The following SWT1 variants were observed in gnomAD, a reference collection of about 807,000 sequenced individuals.
SWT1 encodes the protein transcriptional protein SWT1.
A neutral mutation model predicts 107.3 loss-of-function variants in SWT1; 33 were observed. The ratio of observed to expected loss-of-function variants is 0.31; its 90% confidence interval spans 0.23 to 0.41. The LOEUF (loss-of-function observed/expected upper bound fraction) is 0.41. Among genes scored for constraint, SWT1 ranks in the 10% least tolerant of loss-of-function variants. SWT1 has a pLI of 1.00. For missense variants in SWT1, 898 were observed against 1,028.9 expected (o/e 0.87, Z 1.74); for synonymous variants, 345 against 348.3 (o/e 0.99, Z 0.11).
At chr1:185,221,817 A>G in intron 14 of SWT1, 32 bp from the exon 15 acceptor site, 3 of 1,443,864 alleles carry the variant, frequency 2.1e-6, no homozygotes, top group Non-Finnish European at 2.8e-6. Flanking sequence ...ATGAAGAACT[A>G]GCTGCATTTT....
chr1:185,233,935 C>T lies in SWT1; in HGVS notation c.2441+2227C>T, dbSNP rs560721677. 7.9e-5 allele frequency among the ~76,000 whole-genome samples: 12 copies of T among 151,960 alleles called. No individual in the cohort carries two copies. In the South Asian group the frequency reaches 2.5e-3, roughly 32 times the overall value. ...ATTTTTTTGTATTTTTAGTAGAGAC[C>T]GGGTTTCACCATGTTAGCAAGGATG... On this transcript the variant is annotated intron_variant, in intron 16 of 18. Coordinates refer to ENST00000367500, the MANE Select transcript of SWT1 (RefSeq NM_017673.7).
chr1:185,217,838 C>T (rs570826212), intron 14 of SWT1, among the ~76,000 whole-genome samples: 6 of 152,300 alleles, frequency 3.9e-5, no homozygotes, highest in African/African-American at 1.4e-4. Flanking sequence ...TCAGGTGATC[C>T]ACCCACCTTG....
At chr1:185,251,691 T>A (rs1296508634) in intron 16 of SWT1, among the ~76,000 whole-genome samples, 1 of 151,918 alleles carries the variant, frequency 6.6e-6, no homozygotes, top group African/African-American at 2.4e-5. Context: ...TTTTCTTTGC[T>A]TTTTCATCAA....
chr1:185,186,797 C>G (rs1383703083), intron 9 of SWT1, among the ~76,000 whole-genome samples: 1 of 151,650 alleles, frequency 6.6e-6, no homozygotes, highest in South Asian at 2.1e-4. Context: ...TCCCGTCACG[C>G]AGGCTGGAGT....
rs930145765 is a variant in SWT1, at chr1:185,220,040, G to T, written c.2122-1809G>T. ...TGCACCGCTGGTCCCAGCTACTGGGGAGGGTTGAGGATCACCTGAGTCCTA... is the reference window on the plus strand; with the variant it reads ...TGCACCGCTGGTCCCAGCTACTGGGTAGGGTTGAGGATCACCTGAGTCCTA... On this transcript the variant is annotated intron_variant, in intron 14 of 18. Transcript: ENST00000367500. 6.6e-5 allele frequency among the ~76,000 whole-genome samples: 10 copies of T among 151,222 alleles called. 1 individual carries two copies. Among genetic ancestry groups the T allele is most frequent in the African/African-American group, 1.9e-4 (8 of 41,138 alleles).
intron 10 of SWT1, among the ~76,000 whole-genome samples, chr1:185,199,750 T>C (rs1040269059): frequency 1.3e-5 from 2 of 152,154 alleles, no homozygotes; most frequent in East Asian, 1.9e-4. Flanking sequence ...AGGAGTATCT[T>C]TGTGGTGTTC....
Position 185,182,016 on chromosome 1 carries a change from G to A in SWT1, c.1097G>A (p.Ser366Asn), listed in dbSNP as rs746471398. 8.7e-5 allele frequency: 140 copies of A among 1,613,510 alleles called. No individual in the cohort carries two copies. Among genetic ancestry groups the A allele is most frequent in the Middle Eastern group, 8.3e-4 (5 of 6,058 alleles). Residue 366 changes from serine to asparagine, a missense_variant, in exon 7 of 19, where the codon AGT becomes AAT. Coordinates refer to ENST00000367500, the MANE Select transcript of SWT1 (RefSeq NM_017673.7). ...KSVDLPGELMSMEIDLEDDVH... is the reference protein window; with the variant it reads ...KSVDLPGELMNMEIDLEDDVH... ...GTGGATTTACCTGGAGAGTTAATGAGTATGGAAATTGACTTAGAAGATGAT... is the reference window on the plus strand; with the variant it reads ...GTGGATTTACCTGGAGAGTTAATGAATATGGAAATTGACTTAGAAGATGAT...
At chr1:185,192,061 A>G (rs1656999736) in intron 10 of SWT1, among the ~76,000 whole-genome samples, 1 of 152,196 alleles carries the variant, frequency 6.6e-6, no homozygotes, top group African/African-American at 2.4e-5. Flanking sequence ...ATTACTTAAA[A>G]TGGATGATGA....
chr1:185,231,501 C>T, intron 15 of SWT1, 76 bp from the exon 16 acceptor site: 1 of 1,031,360 alleles, frequency 9.7e-7, no homozygotes, highest in Non-Finnish European at 1.5e-6. Flanking sequence ...TTACTTTATA[C>T]ATTTGCAGCT....
chr1:185,167,605 C>A (rs192045941), intron 3 of SWT1, among the ~76,000 whole-genome samples: 2 of 152,352 alleles, frequency 1.3e-5, no homozygotes, highest in East Asian at 3.9e-4. Context: ...TGCTGAAAAT[C>A]TTTACTCACT....
chr1:185,269,339 C>T (rs567040584), intron 16 of SWT1, among the ~76,000 whole-genome samples: 1 of 149,894 alleles, frequency 6.7e-6, no homozygotes, highest in Non-Finnish European at 1.5e-5. Context: ...ATGTAGTATT[C>T]CTCAGGGCTT....
chr1:185,190,750 C>T, intron 10 of SWT1, 108 bp downstream of exon 10: 1 of 627,428 alleles, frequency 1.6e-6, no homozygotes, highest in East Asian at 2.8e-5. Flanking sequence ...ACATAATTTT[C>T]CAAATCTGCC....
chr1:185,254,391 T>C (rs1178132066), intron 16 of SWT1, among the ~76,000 whole-genome samples: 3 of 130,730 alleles, frequency 2.3e-5, no homozygotes, highest in Admixed American at 7.3e-5. Context: ...AGAATTCGGC[T>C]GTGAATCCAT....
chr1:185,196,286 A>G (rs1262033379), intron 10 of SWT1, among the ~76,000 whole-genome samples: 2 of 152,142 alleles, frequency 1.3e-5, no homozygotes, highest in Non-Finnish European at 2.9e-5. Context: ...CAGGTTTGTC[A>G]AAGATCACAT....
At chr1:185,190,128 G>A (rs1571456557) in intron 9 of SWT1, among the ~76,000 whole-genome samples, 1 of 152,140 alleles carries the variant, frequency 6.6e-6, no homozygotes. Flanking sequence ...GATTACAGGC[G>A]TGAGCCACTG....
chr1:185,261,840 T>A (rs1380006287), intron 16 of SWT1, among the ~76,000 whole-genome samples: 1 of 152,208 alleles, frequency 6.6e-6, no homozygotes, highest in African/African-American at 2.4e-5. Flanking sequence ...CTTCAAAGTT[T>A]TTTTCCTCAA....
intron 11 of SWT1, among the ~76,000 whole-genome samples, chr1:185,203,640 T>G (rs962302576): frequency 1.3e-5 from 2 of 150,254 alleles, no homozygotes; most frequent in Admixed American, 1.3e-4. Context: ...AAAAAAAAAG[T>G]AAGGACAATA....
At chr1:185,216,031 C>T (rs943870574) in intron 14 of SWT1, among the ~76,000 whole-genome samples, 9 of 152,046 alleles carry the variant, frequency 5.9e-5, no homozygotes, top group African/African-American at 1.9e-4. Flanking sequence ...AGATAGGTCC[C>T]CTGCCTATGA....
chr1:185,222,107 G>A, intron 15 of SWT1, 71 bp downstream of exon 15: 1 of 1,066,732 alleles, frequency 9.4e-7, no homozygotes, highest in South Asian at 2.7e-5. Flanking sequence ...TATTTACAGG[G>A]TACAATTTGA....
Sources: allele counts gnomAD v4.1 joint callset (sites outside exome capture counted in the v4.1 genomes callset), GRCh38; gene constraint gnomAD v4.1.1; transcripts MANE v1.5; gene names NCBI Gene and HGNC (gene_info 2026-07-23, HGNC 2026-07-21).